GOLIM4: variants seen among roughly 807,000 people sequenced by gnomAD.
GOLIM4 encodes 130 kDa golgi-localized phosphoprotein.
A neutral mutation model predicts 107.4 loss-of-function variants in GOLIM4; 71 were observed. The observed-to-expected ratio is 0.66, with a 90% CI of 0.55 to 0.81. The LOEUF is 0.81. GOLIM4 is among the 30% of genes least tolerant of loss of function. The pLI, the probability that GOLIM4 is intolerant of heterozygous loss-of-function variation, is 0.00. For synonymous variants in GOLIM4, 327 were observed against 294.8 expected (o/e 1.11, Z -1.12); for missense variants, 830 against 826.1 (o/e 1.00, Z -0.06).
At position 168,010,419 on chromosome 3, in the gene GOLIM4, C is replaced by A; in HGVS notation, c.1942-1G>T. On this transcript the variant is annotated splice_acceptor_variant, in intron 15 of 15. Coordinates refer to ENST00000470487, the MANE Select transcript of GOLIM4 (RefSeq NM_014498.5). LOFTEE classifies it high-confidence loss of function. ...CTCCATCATTATTTTTATCATCAGT[C>A]TTAAAATTAAAAGAAAAAAGAAAAA... 1.3e-6 allele frequency: 2 copies of A among 1,586,184 alleles called. No homozygotes were observed. Among genetic ancestry groups the A allele is most frequent in the East Asian group, 2.2e-5 (1 of 44,694 alleles).
intron 9 of GOLIM4, 69 bp downstream of exon 9, chr3:168,032,451 C>T (rs1055592495): frequency 7.7e-6 from 8 of 1,042,654 alleles, no homozygotes; most frequent in Middle Eastern, 2.1e-4. Context: ...GATATATTAC[C>T]TTAATATGTA....
chr3:168,016,226 G>C lies in GOLIM4; in HGVS notation c.1861-5403C>G, dbSNP rs1014600377. 2.7e-3 allele frequency among the ~76,000 whole-genome samples: 368 copies of C among 134,108 alleles called. 23 individuals are homozygous for C. Among genetic ancestry groups the C allele is most frequent in the South Asian group, 5.9e-3 (28 of 4,746 alleles). 88.0% of individuals were successfully genotyped at this position (134,108 alleles called of 152,430 possible). A position where few individuals can be genotyped will look rare whatever the true frequency, so the allele number is the denominator to read the frequency against. ...AACAAACAACCCCATCAAAAAGTGG[G>C]CGAAGGACATGAACAGACACTTCTC... On this transcript the variant is annotated intron_variant, in intron 14 of 15. Coordinates refer to ENST00000470487, the MANE Select transcript of GOLIM4 (RefSeq NM_014498.5).
At chr3:168,090,583 A>G (rs890563822) in intron 1 of GOLIM4, among the ~76,000 whole-genome samples, 5 of 152,238 alleles carry the variant, frequency 3.3e-5, no homozygotes, top group African/African-American at 1.2e-4. Flanking sequence ...AATGTAAACT[A>G]GCACAACCTT....
intron 1 of GOLIM4, among the ~76,000 whole-genome samples, chr3:168,075,070 T>G (rs540681207): frequency 6.6e-6 from 1 of 152,132 alleles, no homozygotes; most frequent in African/African-American, 2.4e-5. Flanking sequence ...ATGTTCCTTT[T>G]GTTCTGATTG....
chr3:168,037,917 CAG>C (rs1423299823), intron 7 of GOLIM4, among the ~76,000 whole-genome samples: 1 of 152,208 alleles, frequency 6.6e-6, no homozygotes, highest in African/African-American at 2.4e-5. Flanking sequence ...GCAGAGAACA[CAG>C]AAGTCTTTTT....
intron 14 of GOLIM4, among the ~76,000 whole-genome samples, chr3:168,017,704 A>G (rs1717451119): frequency 6.6e-6 from 1 of 152,238 alleles, no homozygotes; most frequent in South Asian, 2.1e-4. Context: ...ACAATATAGT[A>G]GAAATTTTAT....
Position 168,018,832 on chromosome 3 carries a change from G to GA in GOLIM4, c.1860+5693dup, listed in dbSNP as rs1388601240. Among the ~76,000 whole-genome samples the GA allele has an allele frequency of 2.6e-5, 4 of 151,840 alleles. No homozygotes were observed. In the East Asian group the frequency reaches 5.8e-4, roughly 22 times the overall value. On this transcript the variant is annotated intron_variant, in intron 14 of 15. Transcript: ENST00000470487. The stretch of plus-strand genomic sequence containing the variant: ...TAAAATGTTGTAGTTGAGACTGGGG[G>GA]AAAAAACAGCCTTGAGTCTATGCCG...
intron 7 of GOLIM4, among the ~76,000 whole-genome samples, chr3:168,037,797 TTTAA>T (rs1320989974): frequency 6.6e-6 from 1 of 152,220 alleles, no homozygotes; most frequent in Non-Finnish European, 1.5e-5. Context: ...AATCAATTAC[TTTAA>T]TTAACAAAAT....
At chr3:168,066,183 T>A (rs933108595) in intron 1 of GOLIM4, among the ~76,000 whole-genome samples, 6 of 152,030 alleles carry the variant, frequency 3.9e-5, no homozygotes, top group Admixed American at 6.5e-5. Context: ...AAGATCTTTT[T>A]TTTTTTCTGC....
At chr3:168,034,124 C>T (rs1269983283) in intron 8 of GOLIM4, among the ~76,000 whole-genome samples, 1 of 152,182 alleles carries the variant, frequency 6.6e-6, no homozygotes, top group Non-Finnish European at 1.5e-5. Flanking sequence ...CTTTCTCAGA[C>T]ATTTGAGGAC....
At chr3:168,059,197 G>A (rs562003479) in intron 1 of GOLIM4, among the ~76,000 whole-genome samples, 7 of 152,200 alleles carry the variant, frequency 4.6e-5, no homozygotes, top group Middle Eastern at 3.4e-3. Flanking sequence ...CTTTACGGAC[G>A]CTGCAAGTAA....
chr3:168,054,943 G>A (rs1258829873), intron 1 of GOLIM4, among the ~76,000 whole-genome samples: 4 of 152,188 alleles, frequency 2.6e-5, no homozygotes, highest in Non-Finnish European at 2.9e-5. Context: ...GTTTCCCTGC[G>A]CAAATTCTCT....
chr3:168,043,970 G>C (rs933419267), intron 4 of GOLIM4, among the ~76,000 whole-genome samples: 4 of 152,186 alleles, frequency 2.6e-5, no homozygotes, highest in Non-Finnish European at 5.9e-5. Context: ...TTAAAAGAGA[G>C]AGAGTAAATG....
At chr3:168,057,360 T>C (rs1032620761) in intron 1 of GOLIM4, among the ~76,000 whole-genome samples, 1 of 152,228 alleles carries the variant, frequency 6.6e-6, no homozygotes, top group African/African-American at 2.4e-5. Flanking sequence ...TATTAGTCTA[T>C]TCTCATACTG....
intron 1 of GOLIM4, among the ~76,000 whole-genome samples, chr3:168,087,959 A>C (rs1721710323): frequency 6.6e-6 from 1 of 152,168 alleles, no homozygotes; most frequent in Non-Finnish European, 1.5e-5. Flanking sequence ...ATTCACTCCA[A>C]AGAACACTGG....
At chr3:168,061,328 G>T (rs186753323) in intron 1 of GOLIM4, among the ~76,000 whole-genome samples, 3 of 152,302 alleles carry the variant, frequency 2.0e-5, no homozygotes, top group Admixed American at 2.0e-4. Flanking sequence ...AATACCAATA[G>T]TTGGCAAGAA....
chr3:168,087,788 C>A (rs1052601335), intron 1 of GOLIM4, among the ~76,000 whole-genome samples: 3 of 152,134 alleles, frequency 2.0e-5, no homozygotes, highest in African/African-American at 7.2e-5. Flanking sequence ...CCTCTCTAAG[C>A]CTCAGATTGC....
intron 12 of GOLIM4, among the ~76,000 whole-genome samples, chr3:168,026,307 G>T (rs1717993416): frequency 6.6e-6 from 1 of 152,094 alleles, no homozygotes; most frequent in South Asian, 2.1e-4. Flanking sequence ...TGGAATTACA[G>T]GAAAAATGTA....
chr3:168,011,376 C>G (rs553857478), intron 14 of GOLIM4, among the ~76,000 whole-genome samples: 56 of 152,354 alleles, frequency 3.7e-4, no homozygotes, highest in African/African-American at 1.1e-3. Context: ...TATCCCGCAC[C>G]TGGCTTGGAG....
Sources: gnomAD v4.1 joint callset for allele counts (sites outside exome capture counted in the v4.1 genomes callset) on GRCh38, gnomAD v4.1.1 for gene constraint, MANE v1.5 for transcripts, NCBI Gene and HGNC (gene_info 2026-07-23, HGNC 2026-07-21) for gene names.